SDCCAG8: variants seen among roughly 807,000 people sequenced by gnomAD.
The protein encoded by SDCCAG8 is serologically defined colon cancer antigen 8.
Under a neutral mutation model 101.8 loss-of-function variants are expected in SDCCAG8, and 74 were observed. The ratio of observed to expected loss-of-function variants is 0.73; its 90% CI spans 0.60 to 0.88. The LOEUF (loss-of-function observed/expected upper bound fraction) is 0.88, where lower values mean the gene tolerates loss of function less well. Ranked by LOEUF, SDCCAG8 falls within the 40% of genes least tolerant of loss-of-function variation. SDCCAG8 has a pLI of 0.00. For synonymous variants in SDCCAG8, 281 were observed against 292.9 expected (o/e 0.96, Z 0.41); for missense variants, 787 against 822.6 (o/e 0.96, Z 0.53).
chr1:243,343,093 C>A (rs1287375472), intron 11 of SDCCAG8, among the ~76,000 whole-genome samples: 1 of 152,186 alleles, frequency 6.6e-6, no homozygotes, highest in African/African-American at 2.4e-5. Flanking sequence ...TCCAGAGGAA[C>A]TGGGACTACA....
chr1:243,378,921 A>T, intron 13 of SDCCAG8, 58 bp downstream of exon 13: 2 of 1,606,240 alleles, frequency 1.2e-6, no homozygotes, highest in Non-Finnish European at 1.7e-6. Flanking sequence ...GATTTTTGCC[A>T]CAGGCTTCCA....
At chr1:243,302,644 C>G (rs750007864) in intron 6 of SDCCAG8, among the ~76,000 whole-genome samples, 12 of 152,154 alleles carry the variant, frequency 7.9e-5, no homozygotes, top group Non-Finnish European at 1.8e-4. Flanking sequence ...TAAGAGACTG[C>G]CTTTTAAAGT....
chr1:243,383,393 G>T (rs920653876), intron 13 of SDCCAG8, among the ~76,000 whole-genome samples: 1 of 152,102 alleles, frequency 6.6e-6, no homozygotes, highest in Non-Finnish European at 1.5e-5. Context: ...ATGAGGTGAG[G>T]CTAGATGATT....
chr1:243,496,549 G>T (rs184042287), intron 17 of SDCCAG8, among the ~76,000 whole-genome samples: 43 of 152,368 alleles, frequency 2.8e-4, no homozygotes, highest in Admixed American at 6.5e-4. Flanking sequence ...CGGACAGCAG[G>T]GGGGGAAGGG....
intron 15 of SDCCAG8, among the ~76,000 whole-genome samples, chr1:243,421,657 C>G (rs2081016230): frequency 6.6e-6 from 1 of 152,146 alleles, no homozygotes; most frequent in Non-Finnish European, 1.5e-5. Context: ...ACTGCCGATT[C>G]TGTGCATGTT....
At chr1:243,492,646 C>T (rs797013605) in intron 17 of SDCCAG8, among the ~76,000 whole-genome samples, 13 of 100,314 alleles carry the variant, frequency 1.3e-4, no homozygotes, top group African/African-American at 4.3e-4. Context: ...TTGTTCTTGT[C>T]GCCCAGGCTG....
At chr1:243,466,877 A>G (rs550530898) in intron 16 of SDCCAG8, among the ~76,000 whole-genome samples, 11 of 152,388 alleles carry the variant, frequency 7.2e-5, no homozygotes, top group Non-Finnish European at 1.2e-4. Context: ...ATTGCAGCCT[A>G]TTAAATTAAT....
At chr1:243,360,915 G>A (rs1184193817) in intron 12 of SDCCAG8, among the ~76,000 whole-genome samples, 1 of 152,156 alleles carries the variant, frequency 6.6e-6, no homozygotes, top group African/African-American at 2.4e-5. Context: ...TCCTACCTCA[G>A]TAGCAGTCAA....
intron 6 of SDCCAG8, among the ~76,000 whole-genome samples, chr1:243,298,174 A>G (rs2071134724): frequency 6.6e-6 from 1 of 150,976 alleles, no homozygotes; most frequent in Non-Finnish European, 1.5e-5. Context: ...TCAACCTCCC[A>G]AGTAGCTGGG....
chr1:243,294,477 G>T (rs924898361), intron 6 of SDCCAG8, among the ~76,000 whole-genome samples: 3 of 94,016 alleles, frequency 3.2e-5, no homozygotes, highest in Non-Finnish European at 7.5e-5. Context: ...AAAAGGTGGG[G>T]GGGGGGAGAG....
intron 4 of SDCCAG8, among the ~76,000 whole-genome samples, chr1:243,283,185 G>A (rs2069226087): frequency 6.6e-6 from 1 of 151,700 alleles, no homozygotes; most frequent in Non-Finnish European, 1.5e-5. Context: ...GTTTACTTTG[G>A]CTTATTTTAA....
chr1:243,482,613 C>T (rs758518249), intron 16 of SDCCAG8, among the ~76,000 whole-genome samples: 2 of 152,164 alleles, frequency 1.3e-5, no homozygotes, highest in Non-Finnish European at 2.9e-5. Flanking sequence ...TTAGGACGGC[C>T]GCACCAGCCT....
chr1:243,261,946 G>C (rs1383086968), intron 1 of SDCCAG8, among the ~76,000 whole-genome samples: 1 of 131,302 alleles, frequency 7.6e-6, no homozygotes, highest in African/African-American at 2.9e-5. Context: ...CGAGTAGCTG[G>C]GTTACAGGCA....
intron 16 of SDCCAG8, among the ~76,000 whole-genome samples, chr1:243,445,191 A>T (rs181093785): frequency 6.6e-6 from 1 of 152,322 alleles, no homozygotes; most frequent in Admixed American, 6.5e-5. Flanking sequence ...GACCCGAGTT[A>T]TGTAGAATGG....
chr1:243,364,093 T>G (rs1272052803), intron 12 of SDCCAG8, among the ~76,000 whole-genome samples: 1 of 152,196 alleles, frequency 6.6e-6, no homozygotes, highest in African/African-American at 2.4e-5. Flanking sequence ...ACGTACACCA[T>G]GTCTCAGTAC....
chr1:243,485,925 G>A (rs150572661), intron 16 of SDCCAG8, among the ~76,000 whole-genome samples: 27 of 150,868 alleles, frequency 1.8e-4, no homozygotes, highest in East Asian at 1.8e-3. Flanking sequence ...CGGGCCGGGC[G>A]TGGTGGCTCA....
chr1:243,271,424 T>G (rs2068073193), intron 3 of SDCCAG8, among the ~76,000 whole-genome samples: 1 of 150,620 alleles, frequency 6.6e-6, no homozygotes, highest in African/African-American at 2.4e-5. Context: ...AGTAATTTCT[T>G]TTTTAGAGGG....
At chr1:243,450,097 C>T (rs921119062) in intron 16 of SDCCAG8, among the ~76,000 whole-genome samples, 7 of 152,168 alleles carry the variant, frequency 4.6e-5, no homozygotes, top group African/African-American at 1.7e-4. Flanking sequence ...TGGTAGACGT[C>T]TCTGTTTTCC....
chr1:243,379,754 C>A (rs2077827720), intron 13 of SDCCAG8, among the ~76,000 whole-genome samples: 1 of 152,100 alleles, frequency 6.6e-6, no homozygotes, highest in South Asian at 2.1e-4. Flanking sequence ...CATGTAAGTT[C>A]ATGATATTTG....
Sources: gnomAD v4.1 joint callset for allele counts (sites outside exome capture counted in the v4.1 genomes callset) on GRCh38, gnomAD v4.1.1 for gene constraint, MANE v1.5 for transcripts, NCBI Gene and HGNC (gene_info 2026-07-23, HGNC 2026-07-21) for gene names.